The following EXPH5 variants were observed in gnomAD, a reference collection of about 807,000 sequenced individuals.
The protein encoded by EXPH5 is exophilin-5.
A neutral mutation model predicts 41.1 loss-of-function variants in EXPH5; 42 were observed. The observed-to-expected ratio is 1.02, with a 90% CI of 0.80 to 1.32. EXPH5 has a LOEUF of 1.32. Among genes scored for constraint, EXPH5 ranks in the 40% most tolerant of loss-of-function variants. EXPH5 has a pLI of 0.00. For synonymous variants in EXPH5, 798 were observed against 833.5 expected, an observed-to-expected ratio of 0.96 and a Z score of 0.73; for missense variants, 2,298 against 2,314.5, an observed-to-expected ratio of 0.99 and a Z score of 0.15.
chr11:108,512,910 A>G lies in EXPH5; in HGVS notation c.2597T>C (p.Leu866Ser), dbSNP rs766281514. Residue 866 changes from leucine to serine, a missense_variant, in exon 6 of 6, where the codon TTA becomes TCA. Leu to Ser is a moderately radical substitution (Grantham distance 145). Transcript: ENST00000265843. ...TQNAQYSKCKLTPGHKTSCDS... is the reference protein window; with the variant it reads ...TQNAQYSKCKSTPGHKTSCDS... The stretch of plus-strand genomic sequence containing the variant: ...ACACGAGGTCTTGTGGCCAGGAGTT[A>G]ACTTGCATTTTGAGTATTGTGCATT... The G allele has an allele frequency of 4.4e-5, 71 of 1,613,608 alleles. No homozygotes were observed. The highest frequency in any genetic ancestry group is 1.6e-4 in the Middle Eastern group (1 of 6,080).
chr11:108,586,490 AT>A (rs2094113422), intron 1 of EXPH5, among the ~76,000 whole-genome samples: 1 of 5,378 alleles, frequency 1.9e-4, no homozygotes, highest in East Asian at 7.8e-3. Flanking sequence ...TCCCTCCCCC[AT>A]CCCCTTTCCT....
intron 5 of EXPH5, among the ~76,000 whole-genome samples, chr11:108,517,868 C>T (rs1324305484): frequency 1.3e-5 from 2 of 152,026 alleles, no homozygotes; most frequent in African/African-American, 4.8e-5. Context: ...AAGCACTTCT[C>T]CTGCCTCAGC....
the EXPH5 span, among the ~76,000 whole-genome samples, chr11:108,598,923 G>A: frequency 6.6e-6 from 1 of 152,190 alleles, no homozygotes; most frequent in Non-Finnish European, 1.5e-5. Flanking sequence ...TTTATTAGCT[G>A]TGTGACCTTG....
chr11:108,603,551 T>C, the EXPH5 span, among the ~76,000 whole-genome samples: 1 of 152,232 alleles, frequency 6.6e-6, no homozygotes, highest in African/African-American at 2.4e-5. Context: ...TCACTATTTT[T>C]GTCCATGTTG....
chr11:108,567,953 G>A (rs978375738), intron 1 of EXPH5: 2 of 152,094 alleles, frequency 1.3e-5, no homozygotes, highest in Non-Finnish European at 2.9e-5. Context: ...TAGAATGGCC[G>A]CTTTGTCTCT....
In EXPH5 at chr11:108,508,641, AG is replaced by A. The variant is rs2135892578; in HGVS notation, c.*895del. 1 of 152,414 alleles carries A rather than the reference AG, an allele frequency of 6.6e-6. No individual in the cohort carries two copies. Among genetic ancestry groups the A allele is most frequent in the African/African-American group, 2.4e-5 (1 of 41,602 alleles). The allele number at this position is 152,414 out of a possible 1,614,324, so 9.4% of individuals were successfully genotyped here. Reference sequence around the variant, plus strand: ...CAGTAAAGGTAAGTCGGTCCCATGAAGGGATACCTACTTCCTACCTCTGCTC... The same window carrying A: ...CAGTAAAGGTAAGTCGGTCCCATGAAGGATACCTACTTCCTACCTCTGCTC... On this transcript the variant is annotated 3_prime_UTR_variant, in exon 6 of 6. Coordinates refer to ENST00000265843, the MANE Select transcript of EXPH5 (RefSeq NM_015065.3).
intron 1 of EXPH5, among the ~76,000 whole-genome samples, chr11:108,548,148 G>C (rs2640775): frequency 6.9e-6 from 1 of 144,566 alleles, no homozygotes; most frequent in Admixed American, 7.0e-5. Flanking sequence ...CAGTGTCTCA[G>C]AGTTCTTTAC....
intron 3 of EXPH5, among the ~76,000 whole-genome samples, chr11:108,538,666 C>A (rs2093894616): frequency 6.6e-6 from 1 of 152,202 alleles, no homozygotes; most frequent in South Asian, 2.1e-4. Flanking sequence ...AGGACACATA[C>A]TCTGCAAAGA....
the EXPH5 span, among the ~76,000 whole-genome samples, chr11:108,601,009 A>T: frequency 6.6e-6 from 1 of 152,248 alleles, no homozygotes; most frequent in East Asian, 1.9e-4. Context: ...AGCAGAGCCC[A>T]TGGATCGGCA....
At chr11:108,574,224 A>T (rs996737035) in intron 1 of EXPH5, among the ~76,000 whole-genome samples, 3 of 151,946 alleles carry the variant, frequency 2.0e-5, no homozygotes, top group Non-Finnish European at 1.5e-5. Context: ...AAAGATTTTT[A>T]AAAAATTAGC....
intron 1 of EXPH5, among the ~76,000 whole-genome samples, chr11:108,557,608 G>A (rs1266915448): frequency 6.6e-6 from 1 of 151,792 alleles, no homozygotes; most frequent in Admixed American, 6.6e-5. Context: ...TCAGCCTCCC[G>A]AAGTGCTGGG....
chr11:108,604,540 A>C, the EXPH5 span, among the ~76,000 whole-genome samples: 1 of 152,124 alleles, frequency 6.6e-6, no homozygotes, highest in African/African-American at 2.4e-5. Flanking sequence ...ATTATTGCAA[A>C]TTAGAACTCA....
At chr11:108,520,735 T>C (rs2093759828) in intron 4 of EXPH5, among the ~76,000 whole-genome samples, 1 of 151,642 alleles carries the variant, frequency 6.6e-6, no homozygotes, top group South Asian at 2.1e-4. Flanking sequence ...CCTGGCTAAT[T>C]TTTTTGTATT....
chr11:108,597,129 T>A (rs996814132), upstream of EXPH5, among the ~76,000 whole-genome samples: 1 of 151,920 alleles, frequency 6.6e-6, no homozygotes, highest in Non-Finnish European at 1.5e-5. Flanking sequence ...GTTTTTTCCA[T>A]CCTTGACAAT....
chr11:108,576,919 T>G (rs897981483), intron 1 of EXPH5, among the ~76,000 whole-genome samples: 2 of 152,220 alleles, frequency 1.3e-5, no homozygotes, highest in Non-Finnish European at 2.9e-5. Context: ...GTAATCATCC[T>G]TCTATTCAAT....
rs201764835 is a variant in EXPH5, at chr11:108,510,591, C to T, written c.4916G>A (p.Cys1639Tyr). 1 of 1,614,046 alleles carries T rather than the reference C, an allele frequency of 6.2e-7. No homozygotes were observed. ...AGTAGGCTCAGGGAACAGTGGGTTG[C>T]ACTCCACTGTGCCAAGAGATAAATG... is the stretch of plus-strand genomic sequence containing the variant. ...FDHLSLGTVECNPLFPEPTPK... is the reference protein window; with the variant it reads ...FDHLSLGTVEYNPLFPEPTPK... Residue 1639 changes from cysteine (C) to tyrosine (Y), a missense_variant, in exon 6 of 6, where the codon TGC becomes TAC. Cys to Tyr is a radical substitution (Grantham distance 194). Transcript: ENST00000265843.
intron 1 of EXPH5, among the ~76,000 whole-genome samples, chr11:108,553,172 T>A (rs893386583): frequency 6.6e-6 from 1 of 152,068 alleles, no homozygotes; most frequent in African/African-American, 2.4e-5. Context: ...GCACTCCAGC[T>A]TGGGCGACAG....
intron 1 of EXPH5, 96 bp downstream of exon 1, chr11:108,593,322 G>T (rs917359141): frequency 6.5e-6 from 7 of 1,069,952 alleles, no homozygotes; most frequent in African/African-American, 1.6e-5. Context: ...GAGCACCCCC[G>T]GGCAGGTGCC....
the EXPH5 span, among the ~76,000 whole-genome samples, chr11:108,602,560 T>C: frequency 6.6e-6 from 1 of 152,018 alleles, no homozygotes; most frequent in Non-Finnish European, 1.5e-5. Context: ...TTTTTTTTTT[T>C]TTTGGAGATG....
Sources: gnomAD v4.1 joint callset for allele counts (sites outside exome capture counted in the v4.1 genomes callset) on GRCh38, gnomAD v4.1.1 for gene constraint, MANE v1.5 for transcripts, NCBI Gene and HGNC (gene_info 2026-07-23, HGNC 2026-07-21) for gene names.